The following TBC1D12 variants were observed in gnomAD, a reference collection of about 807,000 sequenced individuals.
The protein encoded by TBC1D12 is TBC1 domain family, member 12.
Under a neutral mutation model 86.7 loss-of-function variants are expected in TBC1D12, and 56 were observed. The observed-to-expected ratio is 0.65, with a 90% CI of 0.52 to 0.81. The LOEUF is 0.81. Ranked by LOEUF, TBC1D12 falls within the 30% of genes least tolerant of loss-of-function variation. TBC1D12 has a pLI of 0.00. For synonymous variants in TBC1D12, 421 were observed against 411.7 expected (o/e 1.02, Z -0.27); for missense variants, 1,023 against 1,038.8 (o/e 0.98, Z 0.21).
At chr10:94,530,154 ACAAT>A (rs957254656) in intron 11 of TBC1D12, among the ~76,000 whole-genome samples, 30 of 152,360 alleles carry the variant, frequency 2.0e-4, no homozygotes, top group African/African-American at 7.2e-4. Context: ...AAATAAACAC[ACAAT>A]CAGTGTAAAC....
At chr10:94,492,663 A>C (rs1303912787) in intron 3 of TBC1D12, among the ~76,000 whole-genome samples, 1 of 152,198 alleles carries the variant, frequency 6.6e-6, no homozygotes, top group Non-Finnish European at 1.5e-5. Context: ...AAATTAAAAC[A>C]AAAAAAGCCA....
chr10:94,516,805 A>G (rs1313982029), intron 9 of TBC1D12, among the ~76,000 whole-genome samples: 1 of 152,106 alleles, frequency 6.6e-6, no homozygotes, highest in Non-Finnish European at 1.5e-5. Context: ...TTTGTTACCA[A>G]TCATTAGAAT....
chr10:94,444,636 C>T (rs887365860), intron 2 of TBC1D12, among the ~76,000 whole-genome samples: 2 of 151,930 alleles, frequency 1.3e-5, no homozygotes, highest in African/African-American at 2.4e-5. Flanking sequence ...TACCATAAGT[C>T]TCTGAATAAA....
intron 2 of TBC1D12, among the ~76,000 whole-genome samples, chr10:94,462,315 A>G (rs1032116314): frequency 1.3e-5 from 2 of 152,200 alleles, no homozygotes; most frequent in African/African-American, 2.4e-5. Context: ...TAAATATTAC[A>G]TAGTACATAT....
chr10:94,415,844 A>C (rs2054992187), intron 1 of TBC1D12, among the ~76,000 whole-genome samples: 1 of 152,230 alleles, frequency 6.6e-6, no homozygotes, highest in Non-Finnish European at 1.5e-5. Context: ...CATCTTTGTA[A>C]TATACTCCCA....
At chr10:94,465,917 CGTATATAT>C (rs1254845833) in intron 2 of TBC1D12, among the ~76,000 whole-genome samples, 80 of 149,296 alleles carry the variant, frequency 5.4e-4, no homozygotes, top group African/African-American at 1.8e-3. Flanking sequence ...TACATATATA[CGTATATAT>C]GCGTATATAT....
At chr10:94,516,074 C>T (rs556704438) in intron 9 of TBC1D12, among the ~76,000 whole-genome samples, 2 of 152,050 alleles carry the variant, frequency 1.3e-5, no homozygotes, top group South Asian at 2.1e-4. Flanking sequence ...CACTGTTGAC[C>T]GTAGGAAACT....
At chr10:94,508,819 T>A (rs1302272233) in intron 7 of TBC1D12, 1 of 152,220 alleles carries the variant, frequency 6.6e-6, no homozygotes, top group Non-Finnish European at 1.5e-5. Flanking sequence ...TCTGCCTCTG[T>A]CGGCTGTTTT....
At chr10:94,494,836 A>G (rs1265247653) in intron 4 of TBC1D12, among the ~76,000 whole-genome samples, 1 of 151,578 alleles carries the variant, frequency 6.6e-6, no homozygotes, top group African/African-American at 2.4e-5. Context: ...GAGCCACCAC[A>G]TCCAGCCTAA....
rs946583532 is a variant in TBC1D12, at chr10:94,533,640, A to G, written c.*544A>G. ...AAGTTGGGGCAAATTCGAGTTACCT[A>G]GGAACTGGAAATGTTGGTGGGAGAT... On this transcript the variant is annotated 3_prime_UTR_variant, in exon 13 of 13. Coordinates refer to ENST00000225235, the MANE Select transcript of TBC1D12 (RefSeq NM_015188.2). The G allele has an allele frequency of 2.0e-5, 3 of 152,214 alleles. No homozygotes were observed. Among genetic ancestry groups the G allele is most frequent in the African/African-American group, 7.2e-5 (3 of 41,458 alleles). The allele number at this position is 152,214 out of a possible 1,614,324, so 9.4% of individuals were successfully genotyped here. A position where few individuals can be genotyped will look rare whatever the true frequency, so the allele number is the denominator to read the frequency against.
chr10:94,496,395 C>A (rs555152100), intron 4 of TBC1D12, among the ~76,000 whole-genome samples: 19 of 151,934 alleles, frequency 1.3e-4, no homozygotes, highest in African/African-American at 4.1e-4. Flanking sequence ...TTTTGGGGGA[C>A]ATTTTAAAAT....
chr10:94,511,771 A>T, intron 9 of TBC1D12, 117 bp downstream of exon 9: 1 of 752,716 alleles, frequency 1.3e-6, no homozygotes, highest in Non-Finnish European at 2.2e-6. Flanking sequence ...TGTTTTTCTT[A>T]GGCTTATCAA....
At chr10:94,434,099 A>G (rs2134080098) in intron 1 of TBC1D12, among the ~76,000 whole-genome samples, 1 of 152,324 alleles carries the variant, frequency 6.6e-6, no homozygotes, top group East Asian at 1.9e-4. Context: ...TTGAAGTCTG[A>G]AATGTTTATC....
chr10:94,468,433 A>G (rs1354052283), intron 2 of TBC1D12, among the ~76,000 whole-genome samples: 3 of 152,140 alleles, frequency 2.0e-5, no homozygotes, highest in Admixed American at 2.0e-4. Context: ...CTTATGAAAG[A>G]TATTTCCTCT....
intron 11 of TBC1D12, among the ~76,000 whole-genome samples, chr10:94,525,871 G>A (rs1022196724): frequency 6.6e-6 from 1 of 152,068 alleles, no homozygotes. Context: ...TGATGTTTCT[G>A]TACATATAAT....
chr10:94,497,157 C>A lies in TBC1D12; in HGVS notation c.1397C>A (p.Pro466His). 1 of 1,539,466 alleles carries A rather than the reference C, an allele frequency of 6.5e-7. No individual in the cohort carries two copies. Among genetic ancestry groups the A allele is most frequent in the South Asian group, 1.3e-5 (1 of 78,320 alleles). The change falls in exon 5 of 13, where the codon CCC (proline) becomes CAC (histidine). Residue 466 changes from proline (P) to histidine (H), a missense_variant. By Grantham distance (77) the Pro-to-His change is moderately conservative. Transcript: ENST00000225235. ...AMVIWINEIL[P>H]NWEVMRSTRR... ...GTAATTTGGATCAATGAAATACTGCCCAATTGGGAAGTAATGTAAGTAAGC... is the reference window on the plus strand; with the variant it reads ...GTAATTTGGATCAATGAAATACTGCACAATTGGGAAGTAATGTAAGTAAGC...
chr10:94,489,556 G>A (rs2056218482), intron 3 of TBC1D12, among the ~76,000 whole-genome samples: 1 of 152,172 alleles, frequency 6.6e-6, no homozygotes, highest in African/African-American at 2.4e-5. Flanking sequence ...CTGCAGGGTG[G>A]ACAACTGGTG....
intron 1 of TBC1D12, among the ~76,000 whole-genome samples, chr10:94,424,466 G>A (rs998022869): frequency 4.6e-5 from 7 of 152,088 alleles, no homozygotes; most frequent in South Asian, 4.2e-4. Context: ...TTCTCCCCTC[G>A]TTCATTCAGT....
At chr10:94,483,225 G>T (rs1182496633) in intron 3 of TBC1D12, among the ~76,000 whole-genome samples, 1 of 152,062 alleles carries the variant, frequency 6.6e-6, no homozygotes, top group Non-Finnish European at 1.5e-5. Flanking sequence ...ATAAACATGG[G>T]AGTGCAGATA....
Sources: allele counts gnomAD v4.1 joint callset (sites outside exome capture counted in the v4.1 genomes callset), GRCh38; gene constraint gnomAD v4.1.1; transcripts MANE v1.5; gene names NCBI Gene and HGNC (gene_info 2026-07-23, HGNC 2026-07-21).